Variants in EMSY observed in about 807,000 individuals in gnomAD.
EMSY encodes EMSY transcriptional repressor, BRCA2 interacting, also known as BRCA2-interacting transcriptional repressor EMSY.
In EMSY, 26 loss-of-function variants were observed where a neutral mutation model predicts 134.6. The observed-to-expected ratio is 0.19, with a 90% CI of 0.14 to 0.27. EMSY has a LOEUF of 0.27. Among genes scored for constraint, EMSY ranks in the 10% least tolerant of loss-of-function variants. The pLI is 1.00. For synonymous variants in EMSY, 579 were observed against 577.8 expected (o/e 1.00, Z -0.03); for missense variants, 1,305 against 1,611.4 (o/e 0.81, Z 3.26).
chr11:76,546,335 T>C, intron 20 of EMSY, 38 bp downstream of exon 21: 1 of 1,571,196 alleles, frequency 6.4e-7, no homozygotes, highest in Non-Finnish European at 8.6e-7. Flanking sequence ...CTTGTGCATC[T>C]TGGGGGTTGT....
chr11:76,474,263 T>G (rs1948693463), intron 8 of EMSY, among the ~76,000 whole-genome samples: 1 of 152,118 alleles, frequency 6.6e-6, no homozygotes, highest in Non-Finnish European at 1.5e-5. Flanking sequence ...TGTTCGTAGG[T>G]CTTAAGAGAG....
At chr11:76,519,997 T>C (rs914605973) in intron 11 of EMSY, among the ~76,000 whole-genome samples, 1 of 152,116 alleles carries the variant, frequency 6.6e-6, no homozygotes, top group Admixed American at 6.5e-5. Flanking sequence ...ACAAGTGAAC[T>C]TGTATAATTT....
exon 9 of EMSY, chr11:76,496,385 T>G (rs775606975): frequency 1.2e-6 from 2 of 1,614,002 alleles, no homozygotes; most frequent in African/African-American, 2.7e-5. Flanking sequence ...GGCCCAGCCT[T>G]CTCCAGTATC....
chr11:76,447,332 TG>T (rs1202973699), intron 2 of EMSY, among the ~76,000 whole-genome samples: 2 of 152,214 alleles, frequency 1.3e-5, no homozygotes, highest in Admixed American at 6.5e-5. Context: ...AGGTGTTTTT[TG>T]TTTGTTTGTT....
At chr11:76,544,108 G>A (rs1951550590) in intron 18 of EMSY, 151 bp from the exon 20 acceptor site, 1 of 733,130 alleles carries the variant, frequency 1.4e-6, no homozygotes, top group Non-Finnish European at 2.2e-6. Context: ...ATTGCAAGTT[G>A]CAGTAGAAAG....
At chr11:76,547,165 C>A in intron 20 of EMSY, 1 of 394,930 alleles carries the variant, frequency 2.5e-6, no homozygotes, top group Admixed American at 3.3e-5. Context: ...TGGAAGGTAT[C>A]AGAATAGCAC....
chr11:76,505,806 A>G (rs1950052957), intron 9 of EMSY, among the ~76,000 whole-genome samples: 1 of 151,840 alleles, frequency 6.6e-6, no homozygotes. Flanking sequence ...GCAGTGAACC[A>G]AGATCACGCC....
At chr11:76,535,843 TA>T (rs1427493706) in intron 14 of EMSY, 51 bp from the exon 16 acceptor site, 7 of 1,285,100 alleles carry the variant, frequency 5.4e-6, no homozygotes, top group Non-Finnish European at 6.1e-6. Flanking sequence ...TTTTTTTTTT[TA>T]AGAGAAACTT....
intron 20 of EMSY, among the ~76,000 whole-genome samples, chr11:76,547,256 T>C (rs1316455705): frequency 1.3e-5 from 2 of 152,216 alleles, no homozygotes; most frequent in East Asian, 3.8e-4. Context: ...GTAAACTTTC[T>C]CTTTGCCATG....
intron 2 of EMSY, among the ~76,000 whole-genome samples, chr11:76,448,539 A>G (rs1947516028): frequency 1.3e-5 from 2 of 152,112 alleles, no homozygotes; most frequent in Non-Finnish European, 1.5e-5. Context: ...GTTTAAATAT[A>G]AAAATGGTAA....
At chr11:76,527,344 A>T (rs1950881627) in intron 13 of EMSY, among the ~76,000 whole-genome samples, 1 of 152,148 alleles carries the variant, frequency 6.6e-6, no homozygotes, top group Admixed American at 6.5e-5. Context: ...TAAAAAAAAA[A>T]TAAGCTTTGT....
intron 4 of EMSY, among the ~76,000 whole-genome samples, chr11:76,454,168 GA>G (rs1259482734): frequency 6.6e-6 from 1 of 152,052 alleles, no homozygotes; most frequent in Non-Finnish European, 1.5e-5. Context: ...AAACTAAAGG[GA>G]AAAATTCAGT....
chr11:76,453,059 A>G lies in EMSY; in HGVS notation c.171-255A>G, dbSNP rs541176492. Among the ~76,000 whole-genome samples the G allele has an allele frequency of 7.6e-4, 116 of 152,298 alleles. 1 individual carries two copies. Among genetic ancestry groups the G allele is most frequent in the African/African-American group, 2.5e-3 (105 of 41,566 alleles). On this transcript the variant is annotated intron_variant, in intron 3 of 20. Coordinates refer to ENST00000334736, the Ensembl canonical transcript of EMSY. ...TCTGAGATTTGGAAGTAATACCTTG[A>G]TATCAGGCTGAATTTGTCTTCTTAT... is the stretch of plus-strand genomic sequence containing the variant.
intron 11 of EMSY, 188 bp downstream of exon 12, chr11:76,516,500 C>T (rs1482846357): frequency 2.6e-6 from 1 of 387,298 alleles, no homozygotes; most frequent in Admixed American, 4.3e-5. Flanking sequence ...ACATATAAAG[C>T]TTTTGATAGT....
At chr11:76,489,475 C>G (rs902904135) in intron 8 of EMSY, among the ~76,000 whole-genome samples, 2 of 151,970 alleles carry the variant, frequency 1.3e-5, no homozygotes, top group Admixed American at 6.6e-5. Flanking sequence ...TGGATTAACC[C>G]CCTTTTCATT....
exon 10 of EMSY, chr11:76,513,475 A>G (rs147997784): frequency 6.8e-5 from 110 of 1,613,664 alleles, no homozygotes; most frequent in Non-Finnish European, 8.8e-5. Flanking sequence ...CAATTCCCCT[A>G]TTATGGTGGT....
intron 8 of EMSY, among the ~76,000 whole-genome samples, 171 bp from the exon 10 acceptor site, chr11:76,496,044 A>G (rs1949640819): frequency 6.6e-6 from 1 of 152,230 alleles, no homozygotes; most frequent in Non-Finnish European, 1.5e-5. Context: ...AAGACTAGAT[A>G]TCAGATATGT....
intron 9 of EMSY, among the ~76,000 whole-genome samples, chr11:76,501,057 A>G (rs571843825): frequency 3.3e-5 from 5 of 152,302 alleles, no homozygotes; most frequent in Admixed American, 3.3e-4. Flanking sequence ...AATCATCTCT[A>G]GATTACCTAT....
At chr11:76,544,741 A>C (rs2136771797) in exon 19 of EMSY, 2 of 1,614,160 alleles carry the variant, frequency 1.2e-6, no homozygotes, top group South Asian at 2.2e-5. Context: ...CTCCGAACCA[A>C]CCAAAAATCT....
Sources: allele counts gnomAD v4.1 joint callset (sites outside exome capture counted in the v4.1 genomes callset), GRCh38; gene constraint gnomAD v4.1.1; transcripts MANE v1.5; gene names NCBI Gene and HGNC (gene_info 2026-07-23, HGNC 2026-07-21).